Variants in RBP2 observed in about 807,000 individuals in gnomAD.
RBP2 encodes the protein retinol-binding protein 2.
Under a neutral mutation model 17.0 loss-of-function variants are expected in RBP2, and 17 were observed. The observed-to-expected ratio is 1.00, with a 90% confidence interval of 0.68 to 1.50. RBP2 has a LOEUF of 1.50. RBP2 is among the 40% of genes most tolerant of loss of function. The pLI is 0.00. For missense variants in RBP2, 158 were observed against 168.2 expected, an observed-to-expected ratio of 0.94 and a Z score of 0.33; for synonymous variants, 48 against 57.1, an observed-to-expected ratio of 0.84 and a Z score of 0.72.
At chr3:139,468,624 A>G (rs1576426630) in intron 1 of RBP2, among the ~76,000 whole-genome samples, 1 of 152,140 alleles carries the variant, frequency 6.6e-6, no homozygotes, top group East Asian at 1.9e-4. Context: ...TTTCTAATCA[A>G]AAGGGTTTAA....
rs61205168 is a variant in RBP2 at position 139,464,452 on chromosome 3, C to CA, written c.74-2163dup. Among the ~76,000 whole-genome samples the CA allele has an allele frequency of 1.2e-3, 184 of 147,274 alleles. 1 individual carries two copies. In the South Asian group the frequency reaches 0.021, roughly 17 times the overall value. The stretch of plus-strand genomic sequence containing the variant: ...CTCGCAATAGAGCGAGACTCCATCT[C>CA]AAAAAAAAAAATCCTTCTTTGGTCA... On this transcript the variant is annotated intron_variant, in intron 1 of 3. Transcript: ENST00000232217.
At chr3:139,475,333 A>T (rs1226959019) in intron 1 of RBP2, among the ~76,000 whole-genome samples, 6 of 150,974 alleles carry the variant, frequency 4.0e-5, no homozygotes, top group Admixed American at 6.6e-5. Flanking sequence ...ATAAAAAAAA[A>T]AAAAAAAAAA....
chr3:139,455,835 A>T (rs1370051807), intron 2 of RBP2, among the ~76,000 whole-genome samples: 1 of 152,214 alleles, frequency 6.6e-6, no homozygotes, highest in Non-Finnish European at 1.5e-5. Flanking sequence ...CATGTGCTGA[A>T]CAGCCAGGCT....
intron 1 of RBP2, among the ~76,000 whole-genome samples, chr3:139,470,862 C>G (rs1023598171): frequency 4.6e-5 from 7 of 152,106 alleles, no homozygotes; most frequent in African/African-American, 1.7e-4. Context: ...GTTGGGATTA[C>G]AGGTGTGAGC....
chr3:139,472,644 G>T (rs1933605544), intron 1 of RBP2, among the ~76,000 whole-genome samples: 1 of 152,204 alleles, frequency 6.6e-6, no homozygotes, highest in Admixed American at 6.5e-5. Context: ...GGAAGCCTGA[G>T]ATGGCTCCAG....
intron 1 of RBP2, among the ~76,000 whole-genome samples, chr3:139,464,000 C>T (rs1426279285): frequency 6.6e-6 from 1 of 152,054 alleles, no homozygotes; most frequent in African/African-American, 2.4e-5. Flanking sequence ...GTGCAGTGTC[C>T]GGTACAGGAC....
At chr3:139,454,131 A>G (rs1274305036) in intron 3 of RBP2, among the ~76,000 whole-genome samples, 1 of 152,230 alleles carries the variant, frequency 6.6e-6, no homozygotes, top group Non-Finnish European at 1.5e-5. Flanking sequence ...CACCATTTGA[A>G]TGCTGAACCC....
rs150195588 is a variant in RBP2 at position 139,470,190 on chromosome 3, C to T, written c.73+6197G>A. Among the ~76,000 whole-genome samples the T allele has an allele frequency of 5.5e-3, 841 of 152,280 alleles. 11 individuals carry two copies. Among genetic ancestry groups the T allele is most frequent in the African/African-American group, 0.019 (809 of 41,554 alleles). ...GCCACCCCAGCCTGGTACCTCCCCA[C>T]CAAAACTCACTCCTCCCGGTGACTT... is the stretch of plus-strand genomic sequence containing the variant. On this transcript the variant is annotated intron_variant, in intron 1 of 3. Transcript: ENST00000232217.
At position 139,462,289 on chromosome 3, in the gene RBP2, A is replaced by G. The variant is rs1320978708; in HGVS notation, c.75T>C (p.Asp25=). ...CAATCTTGCGGGTGGCAAAATCAAT[A>G]TCTGTTGGCAAAGGGAGTTGTGGAG... ...ENFEGYMKAL[D]IDFATRKIAV... is the part of the protein sequence containing the mutation. The change falls in exon 2 of 4, where the codon GAT becomes GAC. Residue 25 remains aspartate (D), a splice_region_variant and synonymous_variant. Coordinates refer to ENST00000232217, the MANE Select transcript of RBP2 (RefSeq NM_004164.3). 1.9e-6 allele frequency: 3 copies of G among 1,613,970 alleles called. No individual in the cohort carries two copies. Among genetic ancestry groups the G allele is most frequent in the East Asian group, 4.5e-5 (2 of 44,892 alleles).
At chr3:139,464,439 C>T (rs1181705828) in intron 1 of RBP2, among the ~76,000 whole-genome samples, 2 of 150,508 alleles carry the variant, frequency 1.3e-5, no homozygotes, top group South Asian at 2.1e-4. Context: ...CGCAATAGAG[C>T]GAGACTCCAT....
chr3:139,454,955 G>T, intron 2 of RBP2, 125 bp from the exon 3 acceptor site: 1 of 838,534 alleles, frequency 1.2e-6, no homozygotes. Flanking sequence ...AGAGCCCTCA[G>T]CCTCAGGGAG....
intron 1 of RBP2, among the ~76,000 whole-genome samples, chr3:139,468,533 T>C (rs3772878): frequency 0.27 from 41,380 of 152,052 alleles, 7,109 homozygotes; most frequent in East Asian, 0.86. Flanking sequence ...CCCTTCAGTG[T>C]TTGCACAACC....
chr3:139,464,651 T>C (rs1337388233), intron 1 of RBP2, among the ~76,000 whole-genome samples: 1 of 152,136 alleles, frequency 6.6e-6, no homozygotes, highest in Non-Finnish European at 1.5e-5. Flanking sequence ...TTAAGTAATA[T>C]TAGCTAGCCA....
At chr3:139,459,433 T>TGTGTGTGTGTG (rs1553721536) in intron 2 of RBP2, among the ~76,000 whole-genome samples, 7 of 147,658 alleles carry the variant, frequency 4.7e-5, no homozygotes, top group African/African-American at 7.5e-5. Context: ...TGTGTGTGTA[T>TGTGTGTGTGTG]TCATATTTAC....
intron 1 of RBP2, among the ~76,000 whole-genome samples, chr3:139,474,617 T>TA (rs1933669335): frequency 6.6e-6 from 1 of 152,200 alleles, no homozygotes; most frequent in Non-Finnish European, 1.5e-5. Flanking sequence ...AAACCACAAG[T>TA]ACATCTAATA....
At position 139,453,039 on chromosome 3, in the gene RBP2, A is replaced by C. The variant is rs1380823014; in HGVS notation, c.*77T>G. 12 of 1,553,962 alleles carry C rather than the reference A, an allele frequency of 7.7e-6. No homozygotes were observed. The Admixed American group carries it at 1.8e-4, about 24-fold the overall frequency. ...CTGTCAAGAGTGGGAAGGTCCCCAC[A>C]GCTGTTTCTCAAAGCCAGTAGACCA... On this transcript the variant is annotated 3_prime_UTR_variant, in exon 4 of 4. Transcript: ENST00000232217.
chr3:139,457,442 G>A (rs936452608), intron 2 of RBP2, among the ~76,000 whole-genome samples: 4 of 152,122 alleles, frequency 2.6e-5, no homozygotes, highest in African/African-American at 7.2e-5. Context: ...TGGAAGGAAG[G>A]AAGAAGGAAG....
intron 1 of RBP2, among the ~76,000 whole-genome samples, chr3:139,468,351 A>G (rs945961219): frequency 1.3e-5 from 2 of 152,234 alleles, no homozygotes; most frequent in African/African-American, 4.8e-5. Context: ...TTGCATAGAA[A>G]GGTAGATCAC....
chr3:139,474,300 G>C (rs1339992279), intron 1 of RBP2, among the ~76,000 whole-genome samples: 1 of 152,170 alleles, frequency 6.6e-6, no homozygotes, highest in Non-Finnish European at 1.5e-5. Flanking sequence ...TTCTTGGAGA[G>C]AGCTGATGGT....
Sources: allele counts gnomAD v4.1 joint callset (sites outside exome capture counted in the v4.1 genomes callset), GRCh38; gene constraint gnomAD v4.1.1; transcripts MANE v1.5; gene names NCBI Gene and HGNC (gene_info 2026-07-23, HGNC 2026-07-21).